The following PPFIBP1 variants were observed in gnomAD, a reference collection of about 807,000 sequenced individuals.
The protein encoded by PPFIBP1 is liprin-beta-1.
Under a neutral mutation model 137.8 loss-of-function variants are expected in PPFIBP1, and 112 were observed. That is an observed-to-expected ratio of 0.81 (90% confidence interval 0.70 to 0.95). The LOEUF (loss-of-function observed/expected upper bound fraction) is 0.95. Ranked by LOEUF, PPFIBP1 falls within the 40% of genes least tolerant of loss-of-function variation. PPFIBP1 has a pLI of 0.00. For synonymous variants in PPFIBP1, 378 were observed against 417.3 expected, an observed-to-expected ratio of 0.91 and a Z score of 1.15; for missense variants, 1,083 against 1,196.6, an observed-to-expected ratio of 0.91 and a Z score of 1.40.
At chr12:27,598,648 A>G (rs1263730610) in intron 2 of PPFIBP1, among the ~76,000 whole-genome samples, 2 of 152,164 alleles carry the variant, frequency 1.3e-5, no homozygotes, top group East Asian at 1.9e-4. Context: ...CTAGAAAAAT[A>G]TATGATCATT....
intron 1 of PPFIBP1, among the ~76,000 whole-genome samples, chr12:27,575,931 C>T (rs932565117): frequency 2.0e-5 from 3 of 152,166 alleles, no homozygotes; most frequent in African/African-American, 4.8e-5. Flanking sequence ...ACATCTTTGA[C>T]TTACTTAAAC....
chr12:27,586,699 G>A (rs1592651613), intron 2 of PPFIBP1, among the ~76,000 whole-genome samples: 1 of 148,086 alleles, frequency 6.8e-6, no homozygotes, highest in Non-Finnish European at 1.5e-5. Context: ...TCTGTCTCAA[G>A]AAAAAAAAAA....
chr12:27,655,367 C>G, intron 8 of PPFIBP1: 1 of 619,832 alleles, frequency 1.6e-6, no homozygotes, highest in Non-Finnish European at 2.8e-6. Flanking sequence ...CAAATCACCT[C>G]AAGCTGATTG....
chr12:27,681,004 T>C (rs1324849219), intron 21 of PPFIBP1, among the ~76,000 whole-genome samples: 2 of 135,814 alleles, frequency 1.5e-5, no homozygotes, highest in African/African-American at 2.5e-5. Context: ...AAAAAAACCA[T>C]TCATCTTCCC....
intron 11 of PPFIBP1, among the ~76,000 whole-genome samples, chr12:27,662,911 C>CTT (rs935893343): frequency 7.2e-5 from 11 of 152,312 alleles, no homozygotes; most frequent in Middle Eastern, 3.4e-3. Flanking sequence ...TTAGCTTTTG[C>CTT]TTTGTGACAG....
At chr12:27,593,102 A>G (rs1215777343) in intron 2 of PPFIBP1, among the ~76,000 whole-genome samples, 1 of 137,298 alleles carries the variant, frequency 7.3e-6, no homozygotes, top group African/African-American at 2.8e-5. Flanking sequence ...ACTGCACTCC[A>G]GCCTGGGCAA....
At chr12:27,644,636 C>T (rs1209591731) in intron 4 of PPFIBP1, among the ~76,000 whole-genome samples, 1 of 151,958 alleles carries the variant, frequency 6.6e-6, no homozygotes, top group East Asian at 1.9e-4. Flanking sequence ...TATGTTAGTC[C>T]CCAGGAATGG....
At chr12:27,666,790 A>G (rs2140080527) in intron 12 of PPFIBP1, among the ~76,000 whole-genome samples, 1 of 152,350 alleles carries the variant, frequency 6.6e-6, no homozygotes, top group East Asian at 1.9e-4. Flanking sequence ...CGTTTTTTGT[A>G]CCAGGTATTC....
At chr12:27,534,978 ACTACCCCATCAGT>A (rs1401562926) in intron 1 of PPFIBP1, among the ~76,000 whole-genome samples, 1 of 152,238 alleles carries the variant, frequency 6.6e-6, no homozygotes, top group Non-Finnish European at 1.5e-5. Flanking sequence ...ACTGAAAACC[ACTACCCCATCAGT>A]CCATTGGTGG....
chr12:27,687,518 A>C lies in PPFIBP1; in HGVS notation c.2370+11A>C, dbSNP rs1336386553. On this transcript the variant is annotated intron_variant, in intron 25 of 29. Coordinates refer to ENST00000228425, the MANE Select transcript of PPFIBP1 (RefSeq NM_003622.4). The stretch of plus-strand genomic sequence containing the variant: ...CGGCCATCTGATGAGGTAGTGTTTT[A>C]AGATTGAGGTTTATAAGCATGCACT... 1.2e-6 allele frequency: 2 copies of C among 1,612,916 alleles called. No homozygotes were observed. Among genetic ancestry groups the C allele is most frequent in the South Asian group, 1.1e-5 (1 of 91,008 alleles).
intron 1 of PPFIBP1, chr12:27,549,247 A>T (rs918014686): frequency 6.7e-6 from 1 of 149,494 alleles, no homozygotes; most frequent in Non-Finnish European, 1.5e-5. Flanking sequence ...GACTTGGATG[A>T]TCCTTCTCAG....
intron 1 of PPFIBP1, among the ~76,000 whole-genome samples, chr12:27,527,833 A>T (rs1275087665): frequency 1.3e-5 from 2 of 152,220 alleles, no homozygotes; most frequent in East Asian, 3.8e-4. Context: ...CATAATCATA[A>T]CTATCATGAT....
Position 27,618,503 on chromosome 12 carries a change from C to T in PPFIBP1, c.-35-14859C>T, listed in dbSNP as rs117764031. ...CAACCCCTCATCTTAACCCAGACAT[C>T]CCTTTCTATTGATAGTAAGTCTTTA... is the stretch of plus-strand genomic sequence containing the variant. On this transcript the variant is annotated intron_variant, in intron 2 of 29. Transcript: ENST00000228425. Among the ~76,000 whole-genome samples the T allele has an allele frequency of 1.5e-3, 234 of 152,322 alleles. 1 individual carries two copies. In the East Asian group the frequency reaches 0.029, roughly 19 times the overall value.
chr12:27,654,847 C>A, intron 8 of PPFIBP1, 33 bp downstream of exon 8: 1 of 1,596,388 alleles, frequency 6.3e-7, no homozygotes, highest in South Asian at 1.1e-5. Flanking sequence ...CATTTTCAAA[C>A]AAATGGCATC....
intron 1 of PPFIBP1, among the ~76,000 whole-genome samples, chr12:27,550,991 A>ATT (rs9300174): frequency 1.0e-4 from 14 of 136,714 alleles, no homozygotes; most frequent in South Asian, 4.6e-4. Context: ...ATATATATAT[A>ATT]TTTTTTTTTT....
chr12:27,691,029 T>C (rs1288400162), intron 27 of PPFIBP1, among the ~76,000 whole-genome samples: 1 of 150,882 alleles, frequency 6.6e-6, no homozygotes, highest in Non-Finnish European at 1.5e-5. Flanking sequence ...TCTATCTGCC[T>C]GAGTATCCAG....
intron 27 of PPFIBP1, among the ~76,000 whole-genome samples, chr12:27,690,435 C>G (rs113834456): frequency 0.017 from 2,657 of 152,318 alleles, 36 homozygotes; most frequent in Non-Finnish European, 0.028. Context: ...GTTCATGTCC[C>G]TTTTTGGGTG....
chr12:27,534,575 A>G (rs970472745), intron 1 of PPFIBP1, among the ~76,000 whole-genome samples: 1 of 151,794 alleles, frequency 6.6e-6, no homozygotes, highest in Admixed American at 6.6e-5. Context: ...AAAAAAAAAG[A>G]GAATGAAATT....
chr12:27,596,459 A>G (rs2053318724), intron 2 of PPFIBP1, among the ~76,000 whole-genome samples: 1 of 152,154 alleles, frequency 6.6e-6, no homozygotes, highest in Non-Finnish European at 1.5e-5. Context: ...ACCTGGATTA[A>G]TCCTGGAGGC....
Sources: gnomAD v4.1 joint callset for allele counts (sites outside exome capture counted in the v4.1 genomes callset) on GRCh38, gnomAD v4.1.1 for gene constraint, MANE v1.5 for transcripts, NCBI Gene and HGNC (gene_info 2026-07-23, HGNC 2026-07-21) for gene names.